The following ULK4 variants were observed in gnomAD, a reference collection of about 807,000 sequenced individuals.
The protein encoded by ULK4 is inactive serine/threonine-protein kinase ULK4.
In ULK4, 133 loss-of-function variants were observed where a neutral mutation model predicts 160.6. The observed-to-expected ratio is 0.83, with a 90% CI of 0.72 to 0.96. ULK4 has a LOEUF of 0.96. Ranked by LOEUF, ULK4 falls within the 40% of genes least tolerant of loss-of-function variation. The pLI, the probability that ULK4 is intolerant of heterozygous loss-of-function variation, is 0.00. For missense variants in ULK4, 1,580 were observed against 1,499.5 expected (o/e 1.05, Z -0.89); for synonymous variants, 534 against 539.8 (o/e 0.99, Z 0.15).
At chr3:41,692,012 T>C (rs1308383760) in intron 27 of ULK4, among the ~76,000 whole-genome samples, 5 of 142,822 alleles carry the variant, frequency 3.5e-5, no homozygotes, top group African/African-American at 1.1e-4. Flanking sequence ...AGTGCAGTAG[T>C]GCGATCTCAG....
chr3:41,502,284 A>T (rs1232845244), intron 32 of ULK4, among the ~76,000 whole-genome samples: 2 of 152,264 alleles, frequency 1.3e-5, no homozygotes, highest in Admixed American at 1.3e-4. Flanking sequence ...ACTGTTTTCC[A>T]CAATGGCTGT....
rs918937247 is a variant in ULK4 at position 41,540,071 on chromosome 3, T to TTTA, written c.3226+25951_3226+25953dup. ...AATTTACAGAAAACAGTGTTTTTTA[T>TTTA]TTATTATTATTATTATACTTTAAGT... is the stretch of plus-strand genomic sequence containing the variant. On this transcript the variant is annotated intron_variant, in intron 32 of 36. Coordinates refer to ENST00000301831, the MANE Select transcript of ULK4 (RefSeq NM_017886.4). Among the ~76,000 whole-genome samples the TTTA allele has an allele frequency of 2.4e-4, 37 of 152,106 alleles. No homozygotes were observed. In the South Asian group the frequency reaches 5.4e-3, roughly 22 times the overall value.
At chr3:41,699,552 C>T (rs1451931756) in intron 27 of ULK4, among the ~76,000 whole-genome samples, 2 of 152,150 alleles carry the variant, frequency 1.3e-5, no homozygotes. Context: ...TTCTCACTGT[C>T]CTATAGGCCA....
At chr3:41,781,150 C>T (rs2039826931) in intron 21 of ULK4, among the ~76,000 whole-genome samples, 1 of 151,960 alleles carries the variant, frequency 6.6e-6, no homozygotes, top group Non-Finnish European at 1.5e-5. Context: ...ACATATTTAC[C>T]TATATTTGCA....
At chr3:41,684,178 C>T (rs1033853980) in intron 27 of ULK4, among the ~76,000 whole-genome samples, 1 of 152,216 alleles carries the variant, frequency 6.6e-6, no homozygotes, top group Non-Finnish European at 1.5e-5. Context: ...TCAACAGCTG[C>T]TTTGCTCTTA....
intron 2 of ULK4, among the ~76,000 whole-genome samples, chr3:41,953,694 G>A (rs1265725626): frequency 6.6e-6 from 1 of 152,062 alleles, no homozygotes. Flanking sequence ...TGCAGAGGTT[G>A]GGGGAACCTG....
chr3:41,511,964 G>A (rs542027012), intron 32 of ULK4, among the ~76,000 whole-genome samples: 4 of 152,266 alleles, frequency 2.6e-5, no homozygotes, highest in African/African-American at 9.6e-5. Flanking sequence ...GGGACACAGG[G>A]ATGGTTTAAC....
chr3:41,937,388 C>A, intron 3 of ULK4: 1 of 673,012 alleles, frequency 1.5e-6, no homozygotes, highest in Non-Finnish European at 2.7e-6. Context: ...ATCCAAATTA[C>A]TTCTTTAAGT....
chr3:41,793,003 T>C (rs1389094552), intron 20 of ULK4, among the ~76,000 whole-genome samples: 3 of 152,134 alleles, frequency 2.0e-5, no homozygotes, highest in Non-Finnish European at 2.9e-5. Context: ...TAAAACCACA[T>C]CTCTACTAAA....
intron 35 of ULK4, chr3:41,251,106 A>T (rs1412634781): frequency 2.6e-5 from 4 of 152,228 alleles, no homozygotes; most frequent in Non-Finnish European, 4.4e-5. Context: ...AAATCAGAAG[A>T]TGACTTTCAT....
chr3:41,912,787 C>T lies in ULK4; in HGVS notation c.896+20G>A. Reference sequence around the variant, plus strand: ...GTGTCCAGTAACTATGTCCCATACACAAAGGTAAGTGTATACTACCTGAGA... The same window carrying T: ...GTGTCCAGTAACTATGTCCCATACATAAAGGTAAGTGTATACTACCTGAGA... On this transcript the variant is annotated intron_variant, in intron 9 of 36. Transcript: ENST00000301831. 6.2e-7 allele frequency: 1 copy of T among 1,609,182 alleles called. No individual in the cohort carries two copies. The highest frequency in any genetic ancestry group is 1.1e-5 in the South Asian group (1 of 90,826).
chr3:41,732,807 C>T (rs2037877766), intron 22 of ULK4, among the ~76,000 whole-genome samples: 1 of 152,078 alleles, frequency 6.6e-6, no homozygotes, highest in Non-Finnish European at 1.5e-5. Context: ...AGAATGAAAT[C>T]TTGTCATTTG....
At chr3:41,491,700 T>TA (rs34026354) in intron 32 of ULK4, among the ~76,000 whole-genome samples, 135,181 of 151,366 alleles carry the variant, frequency 0.89, 60,820 homozygotes, top group Middle Eastern at 0.95. Context: ...AATTTTTATA[T>TA]TTTTTTTTAT....
intron 31 of ULK4, among the ~76,000 whole-genome samples, chr3:41,596,878 G>A (rs1559421735): frequency 6.6e-6 from 1 of 152,144 alleles, no homozygotes; most frequent in Non-Finnish European, 1.5e-5. Context: ...TCTAGTGTAA[G>A]GTTTCTCAAT....
At chr3:41,866,497 G>A (rs1398192496) in intron 17 of ULK4, among the ~76,000 whole-genome samples, 1 of 152,162 alleles carries the variant, frequency 6.6e-6, no homozygotes, top group Non-Finnish European at 1.5e-5. Flanking sequence ...CGCATGCGCA[G>A]TTCACAATAG....
chr3:41,643,186 T>C (rs2034314272), intron 30 of ULK4, among the ~76,000 whole-genome samples: 3 of 152,166 alleles, frequency 2.0e-5, no homozygotes, highest in East Asian at 3.8e-4. Context: ...GCAGAAGCCC[T>C]TTAGTTTAAT....
intron 18 of ULK4, among the ~76,000 whole-genome samples, chr3:41,829,858 G>C (rs1456934018): frequency 1.4e-5 from 2 of 147,286 alleles, no homozygotes; most frequent in Non-Finnish European, 3.0e-5. Context: ...TATGTTTATT[G>C]CGGCATTATT....
intron 27 of ULK4, among the ~76,000 whole-genome samples, chr3:41,698,532 CAAAAATTCA>C (rs767598129): frequency 2.0e-5 from 3 of 152,084 alleles, no homozygotes; most frequent in Non-Finnish European, 4.4e-5. Context: ...GCAAATATTC[CAAAAATTCA>C]AATATTTCAA....
chr3:41,498,370 C>T (rs2085065930), intron 32 of ULK4, among the ~76,000 whole-genome samples: 1 of 152,010 alleles, frequency 6.6e-6, no homozygotes, highest in Non-Finnish European at 1.5e-5. Context: ...AATGAAAACA[C>T]AATGGAGCTT....
Sources: allele counts gnomAD v4.1 joint callset (sites outside exome capture counted in the v4.1 genomes callset), GRCh38; gene constraint gnomAD v4.1.1; transcripts MANE v1.5; gene names NCBI Gene and HGNC (gene_info 2026-07-23, HGNC 2026-07-21).